The following FLRT2 variants were observed in gnomAD, a reference collection of about 807,000 sequenced individuals.
FLRT2 encodes the protein fibronectin leucine rich transmembrane protein 2.
A neutral mutation model predicts 40.0 loss-of-function variants in FLRT2; 15 were observed. The observed-to-expected ratio is 0.38, with a 90% CI of 0.25 to 0.58. FLRT2 has a LOEUF of 0.58. Ranked by LOEUF, FLRT2 falls within the 20% of genes least tolerant of loss-of-function variation. The pLI, the probability that FLRT2 is intolerant of heterozygous loss-of-function variation, is 0.71. For missense variants in FLRT2, 726 were observed against 840.0 expected (o/e 0.86, Z 1.68); for synonymous variants, 380 against 336.8 (o/e 1.13, Z -1.41).
At chr14:85,551,200 A>AAATTT (rs928895911) in intron 1 of FLRT2, among the ~76,000 whole-genome samples, 16 of 152,356 alleles carry the variant, frequency 1.1e-4, no homozygotes, top group Middle Eastern at 3.4e-3. Context: ...GAAAATGAAG[A>AAATTT]AATTTAAACT....
chr14:85,539,079 T>A (rs1888833521), intron 1 of FLRT2, among the ~76,000 whole-genome samples: 1 of 152,082 alleles, frequency 6.6e-6, no homozygotes, highest in African/African-American at 2.4e-5. Context: ...AATCTCTTTT[T>A]AAGATTGATT....
chr14:85,560,535 C>T (rs1015397673), intron 1 of FLRT2, among the ~76,000 whole-genome samples: 3 of 151,712 alleles, frequency 2.0e-5, no homozygotes, highest in Admixed American at 6.6e-5. Flanking sequence ...GAGCCGAGAT[C>T]GCACCACTGC....
chr14:85,537,415 A>G (rs1888722301), intron 1 of FLRT2, among the ~76,000 whole-genome samples: 1 of 152,140 alleles, frequency 6.6e-6, no homozygotes, highest in African/African-American at 2.4e-5. Flanking sequence ...AGCTATTATT[A>G]TTATTAAAGT....
At chr14:85,590,822 T>A (rs1891849374) in intron 1 of FLRT2, among the ~76,000 whole-genome samples, 1 of 152,100 alleles carries the variant, frequency 6.6e-6, no homozygotes, top group Non-Finnish European at 1.5e-5. Context: ...GGCCTCAAAC[T>A]CCTGACCTCA....
Position 85,623,164 on chromosome 14 carries a change from G to A in FLRT2, c.1650G>A (p.Ala550=), listed in dbSNP as rs17646495. The A allele has an allele frequency of 1.4e-5, 22 of 1,578,926 alleles. No individual in the cohort carries two copies. In the Admixed American group the frequency reaches 2.0e-4, roughly 14 times the overall value. The change falls in exon 2 of 2, where the codon GCG becomes GCA. Residue 550 remains alanine (A), a synonymous_variant. Coordinates refer to ENST00000330753, the MANE Select transcript of FLRT2 (RefSeq NM_013231.6). ...TGCTGGCGGGCTTGATCGGGGGCGC[G>A]GTGATATTTGTGCTGGTGGTCTTGC... ...PFLLAGLIGG[A]VIFVLVVLLS...
At chr14:85,550,897 G>A (rs998244583) in intron 1 of FLRT2, among the ~76,000 whole-genome samples, 2 of 152,104 alleles carry the variant, frequency 1.3e-5, no homozygotes, top group Non-Finnish European at 2.9e-5. Context: ...AAAATAACAA[G>A]AATAATTAAT....
At chr14:85,535,674 G>T (rs532715605) in intron 1 of FLRT2, among the ~76,000 whole-genome samples, 49 of 149,092 alleles carry the variant, frequency 3.3e-4, no homozygotes, top group African/African-American at 1.1e-3. Context: ...AACAGGATAG[G>T]GTTAAACCAT....
intron 1 of FLRT2, among the ~76,000 whole-genome samples, chr14:85,532,835 G>A (rs375685479): frequency 6.6e-6 from 1 of 152,122 alleles, no homozygotes; most frequent in Non-Finnish European, 1.5e-5. Context: ...CTCACATTTC[G>A]ATCATTTCTC....
chr14:85,622,581 A>G lies in FLRT2; in HGVS notation c.1067A>G (p.Asn356Ser). The G allele has an allele frequency of 6.2e-7, 1 of 1,613,594 alleles. No individual in the cohort carries two copies. The highest frequency in any genetic ancestry group is 2.2e-5 in the East Asian group (1 of 44,846). ...ATGGCCGTCAGGGAATTAAATATGA[A>G]TCTTTTGTCCTGTCCCACCACGACC... ...RGMAVRELNM[N>S]LLSCPTTTPG... The change falls in exon 2 of 2, where the codon AAT becomes AGT. Residue 356 changes from asparagine (N) to serine (S), a missense_variant. By Grantham distance (46) the Asn-to-Ser change is conservative. Coordinates refer to ENST00000330753, the MANE Select transcript of FLRT2 (RefSeq NM_013231.6).
intron 1 of FLRT2, among the ~76,000 whole-genome samples, chr14:85,537,122 A>C (rs1290451930): frequency 6.6e-6 from 1 of 152,184 alleles, no homozygotes; most frequent in Non-Finnish European, 1.5e-5. Context: ...GAGTGTGAGA[A>C]GAGTATTTAT....
At chr14:85,615,328 T>A (rs996915151) in intron 1 of FLRT2, among the ~76,000 whole-genome samples, 2 of 152,224 alleles carry the variant, frequency 1.3e-5, no homozygotes, top group Non-Finnish European at 2.9e-5. Flanking sequence ...GGAAACCATG[T>A]GAGAACAACG....
rs1172975541 is a variant in FLRT2, at chr14:85,622,628, C to G, written c.1114C>G (p.Pro372Ala). Residue 372 changes from proline (P) to alanine (A), a missense_variant, in exon 2 of 2, where the codon CCA (proline) becomes GCA (alanine). Pro to Ala is a conservative substitution (Grantham distance 27). Around this residue, in one of 3 missense-constraint regions of FLRT2, gnomAD observed 611 missense variants for 690.0 expected, o/e 0.89. Transcript: ENST00000330753. ...TTTPGLPLFT[P>A]APSTASPTTQ... is the part of the protein sequence containing the mutation. ...GACCCCCGGCCTGCCTCTCTTCACC[C>G]CAGCCCCAAGTACAGCTTCTCCGAC... 1.2e-6 allele frequency: 2 copies of G among 1,613,778 alleles called. No homozygotes were observed. Among genetic ancestry groups the G allele is most frequent in the African/African-American group, 1.3e-5 (1 of 74,878 alleles).
intron 1 of FLRT2, among the ~76,000 whole-genome samples, chr14:85,532,317 A>T (rs1888336789): frequency 6.6e-6 from 1 of 152,186 alleles, no homozygotes; most frequent in Admixed American, 6.5e-5. Context: ...GTTCAGATTC[A>T]GCCTCACCGG....
In FLRT2 at chr14:85,598,286, G is replaced by A. The variant is rs537999550; in HGVS notation, c.-376-22853G>A. 1.1e-4 allele frequency among the ~76,000 whole-genome samples: 16 copies of A among 152,338 alleles called. No individual in the cohort carries two copies. In the South Asian group the frequency reaches 3.3e-3, roughly 32 times the overall value. On this transcript the variant is annotated intron_variant, in intron 1 of 1. Transcript: ENST00000330753. Reference sequence around the variant, plus strand: ...GTTTGTCCAGCACTCATTAATGACAGAGGAAGTGTTGGGACATACAAGTCT... The same window carrying A: ...GTTTGTCCAGCACTCATTAATGACAAAGGAAGTGTTGGGACATACAAGTCT...
At chr14:85,608,322 C>T (rs534018132) in intron 1 of FLRT2, among the ~76,000 whole-genome samples, 2 of 152,078 alleles carry the variant, frequency 1.3e-5, no homozygotes, top group South Asian at 4.2e-4. Flanking sequence ...CTCCACCTCC[C>T]GGGTTCAAGC....
At chr14:85,553,296 A>G (rs1889753892) in intron 1 of FLRT2, among the ~76,000 whole-genome samples, 1 of 152,176 alleles carries the variant, frequency 6.6e-6, no homozygotes, top group Non-Finnish European at 1.5e-5. Context: ...CAGGGAGTTT[A>G]GTAGTGGCCA....
At chr14:85,584,082 G>A (rs2139879842) in intron 1 of FLRT2, among the ~76,000 whole-genome samples, 1 of 152,230 alleles carries the variant, frequency 6.6e-6, no homozygotes, top group African/African-American at 2.4e-5. Flanking sequence ...CAGAGAATAT[G>A]GGCTGCCTCA....
chr14:85,621,767 C>T lies in FLRT2; in HGVS notation c.253C>T (p.His85Tyr). ...INNAGFPAEL[H>Y]NVQSVHTVYL... ...TAATGCTGGATTTCCTGCAGAACTG[C>T]ACAATGTACAGTCGGTGCACACGGT... Residue 85 changes from histidine to tyrosine, a missense_variant, in exon 2 of 2, where the codon CAC becomes TAC. Transcript: ENST00000330753. The T allele has an allele frequency of 6.2e-7, 1 of 1,614,228 alleles. No homozygotes were observed. The highest frequency in any genetic ancestry group is 8.5e-7 in the Non-Finnish European group (1 of 1,180,032).
intron 1 of FLRT2, among the ~76,000 whole-genome samples, chr14:85,591,325 G>A (rs1417723769): frequency 6.6e-6 from 1 of 152,150 alleles, no homozygotes; most frequent in Non-Finnish European, 1.5e-5. Flanking sequence ...CCTTTCTCAA[G>A]CCTTGGAGTC....
Sources: gnomAD v4.1 joint callset for allele counts (sites outside exome capture counted in the v4.1 genomes callset) on GRCh38, gnomAD v4.1.1 for gene constraint, gnomAD v4.1.1 regional missense constraint, MANE v1.5 for transcripts, NCBI Gene and HGNC (gene_info 2026-07-23, HGNC 2026-07-21) for gene names.